Variants in ASAP2 observed in about 807,000 individuals in gnomAD.
ASAP2 encodes the protein ArfGAP with SH3 domain, ankyrin repeat and PH domain 2.
In ASAP2, 45 loss-of-function variants were observed where a neutral mutation model predicts 131.4. The observed-to-expected ratio is 0.34, with a 90% CI of 0.27 to 0.44. ASAP2 has a LOEUF of 0.44. Ranked by LOEUF, ASAP2 falls within the 20% of genes least tolerant of loss-of-function variation. The pLI is 1.00. For synonymous variants in ASAP2, 510 were observed against 503.0 expected (o/e 1.01, Z -0.19); for missense variants, 1,011 against 1,297.0 (o/e 0.78, Z 3.39).
At chr2:9,303,094 T>C (rs1441510097) in intron 3 of ASAP2, among the ~76,000 whole-genome samples, 2 of 152,218 alleles carry the variant, frequency 1.3e-5, no homozygotes, top group Non-Finnish European at 1.5e-5. Context: ...TCCTAACTTC[T>C]TGTATTGCAA....
intron 1 of ASAP2, among the ~76,000 whole-genome samples, chr2:9,254,353 CTT>C (rs777033631): frequency 4.8e-5 from 5 of 103,942 alleles, no homozygotes; most frequent in Admixed American, 1.0e-4. Flanking sequence ...ATAAACTAAA[CTT>C]TTTTTTTTTT....
At position 9,388,353 on chromosome 2, in the gene ASAP2, G is replaced by A. The variant is rs772314449; in HGVS notation, c.2190G>A (p.Gln730=). Reference sequence around the variant, plus strand: ...GCTTCTACCAGCTGGGCTCCAACCAGCTTCAGTCTAACGCTGTATCTTTGG... The same window carrying A: ...GCTTCTACCAGCTGGGCTCCAACCAACTTCAGTCTAACGCTGTATCTTTGG... The part of the protein sequence containing the change: ...PISFYQLGSN[Q]LQSNAVSLAR... Residue 730 remains glutamine, a synonymous_variant, in exon 22 of 28, where the codon CAG becomes CAA. Coordinates refer to ENST00000281419, the MANE Select transcript of ASAP2 (RefSeq NM_003887.3). The A allele has an allele frequency of 6.2e-7, 1 of 1,614,176 alleles. No homozygotes were observed. The highest frequency in any genetic ancestry group is 8.5e-7 in the Non-Finnish European group (1 of 1,180,024).
chr2:9,280,159 G>A (rs577473478), intron 2 of ASAP2, among the ~76,000 whole-genome samples: 138 of 152,168 alleles, frequency 9.1e-4, no homozygotes, highest in Non-Finnish European at 1.8e-3. Flanking sequence ...GTGACAGGGT[G>A]GGAGGAGGAG....
chr2:9,381,856 A>T (rs1389590042), intron 20 of ASAP2, among the ~76,000 whole-genome samples: 1 of 152,132 alleles, frequency 6.6e-6, no homozygotes, highest in Admixed American at 6.5e-5. Context: ...GTGAGCCATG[A>T]TTATGCCAAT....
At chr2:9,396,343 C>T (rs1011117751) in intron 24 of ASAP2, among the ~76,000 whole-genome samples, 2 of 152,108 alleles carry the variant, frequency 1.3e-5, no homozygotes, top group Admixed American at 6.5e-5. Flanking sequence ...GGTGTGATCA[C>T]GGTTCACCGC....
rs922151445 is a variant in ASAP2 at position 9,403,880 on chromosome 2, C to G, written c.*553C>G. ...ACACATTAGCATTGTACTTTCTAGCCCTAATTTGTGAGGTTGCAGCTATCA... is the reference window on the plus strand; with the variant it reads ...ACACATTAGCATTGTACTTTCTAGCGCTAATTTGTGAGGTTGCAGCTATCA... On this transcript the variant is annotated 3_prime_UTR_variant, in exon 28 of 28. Coordinates refer to ENST00000281419, the MANE Select transcript of ASAP2 (RefSeq NM_003887.3). The G allele has an allele frequency of 6.5e-6, 1 of 153,570 alleles. No individual in the cohort carries two copies. The highest frequency in any genetic ancestry group is 1.4e-5 in the Non-Finnish European group (1 of 69,108). 9.5% of individuals were successfully genotyped at this position (153,570 alleles called of 1,614,324 possible).
chr2:9,229,953 T>C (rs1663044858), intron 1 of ASAP2, among the ~76,000 whole-genome samples: 1 of 151,960 alleles, frequency 6.6e-6, no homozygotes, highest in South Asian at 2.1e-4. Context: ...GGGGTAGAGA[T>C]GTGTGTTTGT....
At chr2:9,213,446 T>C (rs1036141196) in intron 1 of ASAP2, among the ~76,000 whole-genome samples, 3 of 152,054 alleles carry the variant, frequency 2.0e-5, no homozygotes, top group Non-Finnish European at 4.4e-5. Context: ...TGGGAAGCTG[T>C]TGAAGGGTTT....
intron 16 of ASAP2, among the ~76,000 whole-genome samples, chr2:9,373,767 G>C (rs1448530211): frequency 6.6e-6 from 1 of 152,196 alleles, no homozygotes; most frequent in Non-Finnish European, 1.5e-5. Context: ...GGATGCAACT[G>C]ATCTGCCCCT....
At position 9,268,657 on chromosome 2, in the gene ASAP2, A is replaced by G. The variant is rs1666113036; in HGVS notation, c.127-10660A>G. On this transcript the variant is annotated intron_variant, in intron 1 of 27. Transcript: ENST00000281419. This position sits in a 1 kb window ranked among gnomAD's most constrained non-coding sequence, Gnocchi z 4.1. ...AAGCTGCCATCTGAATGTCTGTCTG[A>G]CTCTTCTTGGCAAAGCCACCCTGGG... 6.6e-6 allele frequency among the ~76,000 whole-genome samples: 1 copy of G among 151,068 alleles called. No homozygotes were observed. Among genetic ancestry groups the G allele is most frequent in the South Asian group, 2.1e-4 (1 of 4,770 alleles).
chr2:9,362,551 C>G (rs112756582), intron 15 of ASAP2, among the ~76,000 whole-genome samples: 193 of 152,244 alleles, frequency 1.3e-3, no homozygotes, highest in African/African-American at 4.3e-3. Flanking sequence ...AAAATCTACT[C>G]TCTTGAGCCT....
chr2:9,347,848 G>T (rs1558353533), intron 11 of ASAP2, among the ~76,000 whole-genome samples: 1 of 152,100 alleles, frequency 6.6e-6, no homozygotes, highest in Non-Finnish European at 1.5e-5. Context: ...TTTAAAAAAT[G>T]ATCAGTCATG....
intron 1 of ASAP2, among the ~76,000 whole-genome samples, chr2:9,212,208 T>C (rs1661611120): frequency 6.6e-6 from 1 of 152,076 alleles, no homozygotes; most frequent in Non-Finnish European, 1.5e-5. Context: ...GAAGAATATG[T>C]CCTCTCTTTG....
At chr2:9,320,145 G>T in intron 4 of ASAP2, 143 bp from the exon 5 acceptor site, 1 of 664,552 alleles carries the variant, frequency 1.5e-6, no homozygotes, top group Non-Finnish European at 2.6e-6. Flanking sequence ...ATGTACTCTT[G>T]GTTCTTTATT....
chr2:9,354,744 G>T (rs1197996845), intron 12 of ASAP2, among the ~76,000 whole-genome samples: 1 of 152,100 alleles, frequency 6.6e-6, no homozygotes, highest in Non-Finnish European at 1.5e-5. Flanking sequence ...GGCTATGCTT[G>T]TTTTTTGCAG....
intron 1 of ASAP2, among the ~76,000 whole-genome samples, chr2:9,250,112 AG>A (rs1182312143): frequency 6.6e-6 from 1 of 152,208 alleles, no homozygotes; most frequent in Non-Finnish European, 1.5e-5. Flanking sequence ...ATTGCTTTGT[AG>A]GGTTTCATAA....
intron 24 of ASAP2, among the ~76,000 whole-genome samples, chr2:9,396,225 A>G (rs963642771): frequency 2.0e-5 from 3 of 152,120 alleles, no homozygotes; most frequent in African/African-American, 7.2e-5. Flanking sequence ...GACTACAGAT[A>G]GGAGCATTTC....
chr2:9,336,433 A>G (rs1671208046), intron 9 of ASAP2, among the ~76,000 whole-genome samples: 2 of 152,102 alleles, frequency 1.3e-5, no homozygotes, highest in South Asian at 4.1e-4. Context: ...TGAATGCCCC[A>G]TTTGAATCAC....
At chr2:9,399,769 A>G (rs559428964) in intron 24 of ASAP2, 21 of 538,316 alleles carry the variant, frequency 3.9e-5, no homozygotes, top group Non-Finnish European at 6.7e-5. Context: ...GACCCTGGCC[A>G]TCGGTGGCAG....
Sources: gnomAD v4.1 joint callset for allele counts (sites outside exome capture counted in the v4.1 genomes callset) on GRCh38, gnomAD v4.1.1 for gene constraint, Gnocchi (gnomAD v3.1) non-coding constraint, MANE v1.5 for transcripts, NCBI Gene and HGNC (gene_info 2026-07-23, HGNC 2026-07-21) for gene names.